MSRA: variants seen among roughly 807,000 people sequenced by gnomAD.
MSRA encodes methionine sulfoxide reductase A.
Under a neutral mutation model 31.3 loss-of-function variants are expected in MSRA, and 54 were observed. That is an observed-to-expected ratio of 1.73 (90% CI 1.39 to 2.17). The LOEUF is 2.17. Ranked by LOEUF, MSRA falls within the 30% of genes most tolerant of loss-of-function variation. The pLI, the probability that MSRA is intolerant of heterozygous loss-of-function variation, is 0.00. For synonymous variants in MSRA, 169 were observed against 116.5 expected, an observed-to-expected ratio of 1.45 and a Z score of -2.90; for missense variants, 507 against 300.9, an observed-to-expected ratio of 1.69 and a Z score of -5.07.
chr8:10,209,870 A>G (rs1411912855), intron 2 of MSRA, among the ~76,000 whole-genome samples: 2 of 152,248 alleles, frequency 1.3e-5, no homozygotes, highest in African/African-American at 4.8e-5. Context: ...AACAACATAT[A>G]AGAAGCAGAA....
intron 1 of MSRA, among the ~76,000 whole-genome samples, chr8:10,117,852 C>G (rs1800798545): frequency 6.6e-6 from 1 of 152,088 alleles, no homozygotes; most frequent in African/African-American, 2.4e-5. Context: ...TGAATGAATC[C>G]CTGATTACTG....
At chr8:10,234,213 A>G (rs1412874309) in intron 2 of MSRA, among the ~76,000 whole-genome samples, 6 of 152,240 alleles carry the variant, frequency 3.9e-5, no homozygotes, top group African/African-American at 1.4e-4. Context: ...AGAAACAGTA[A>G]TTAGTTAAAC....
chr8:10,080,776 CG>C (rs1798252823), intron 1 of MSRA, among the ~76,000 whole-genome samples: 1 of 151,224 alleles, frequency 6.6e-6, no homozygotes, highest in Non-Finnish European at 1.5e-5. Context: ...TGGGCTCAAG[CG>C]ATCCTCCTGC....
intron 5 of MSRA, among the ~76,000 whole-genome samples, chr8:10,358,777 A>G (rs1804666194): frequency 6.8e-6 from 1 of 147,936 alleles, no homozygotes; most frequent in African/African-American, 2.6e-5. Flanking sequence ...TATTTTTAGT[A>G]GAGACGGGGT....
chr8:10,091,638 C>G (rs1798859572), intron 1 of MSRA, among the ~76,000 whole-genome samples: 2 of 145,078 alleles, frequency 1.4e-5, no homozygotes, highest in South Asian at 4.4e-4. Flanking sequence ...TGAAATTTTG[C>G]TCTTATCACC....
At chr8:10,220,191 C>G (rs1810370701) in intron 2 of MSRA, among the ~76,000 whole-genome samples, 2 of 152,178 alleles carry the variant, frequency 1.3e-5, no homozygotes. Flanking sequence ...TTTCATCTTC[C>G]TGGGTCATCA....
chr8:10,118,379 T>G (rs1023658187), intron 1 of MSRA, among the ~76,000 whole-genome samples: 1 of 152,178 alleles, frequency 6.6e-6, no homozygotes, highest in Middle Eastern at 3.2e-3. Flanking sequence ...TCCAACTATG[T>G]GCAAAGGCCC....
At chr8:10,176,382 A>G (rs573625291) in intron 1 of MSRA, among the ~76,000 whole-genome samples, 2 of 152,298 alleles carry the variant, frequency 1.3e-5, no homozygotes, top group East Asian at 3.9e-4. Flanking sequence ...GGCTTAGTTC[A>G]CAAGGATCTA....
chr8:10,148,731 G>A (rs1803381917), intron 1 of MSRA, among the ~76,000 whole-genome samples: 1 of 141,020 alleles, frequency 7.1e-6, no homozygotes. Context: ...GAACCCAGGA[G>A]GTCAGGGCTG....
At chr8:10,322,412 C>G (rs1273782555) in intron 5 of MSRA, among the ~76,000 whole-genome samples, 2 of 152,098 alleles carry the variant, frequency 1.3e-5, no homozygotes, top group Non-Finnish European at 2.9e-5. Flanking sequence ...AGTACAAAGA[C>G]CAGAACTTGG....
intron 2 of MSRA, among the ~76,000 whole-genome samples, chr8:10,209,314 C>T (rs143311223): frequency 6.6e-6 from 1 of 152,110 alleles, no homozygotes; most frequent in African/African-American, 2.4e-5. Flanking sequence ...GATTCGCCAA[C>T]CCCAGGCATA....
intron 1 of MSRA, among the ~76,000 whole-genome samples, chr8:10,113,289 C>CCTTTTTTTTTTTTTT (rs1554447231): frequency 9.8e-5 from 5 of 50,904 alleles, no homozygotes; most frequent in Admixed American, 8.8e-4. Context: ...GAAGACAGGT[C>CCTTTTTTTTTTTTTT]TTCTTTTTTT....
chr8:10,350,430 T>A (rs1804055877), intron 5 of MSRA, among the ~76,000 whole-genome samples: 1 of 152,198 alleles, frequency 6.6e-6, no homozygotes, highest in Non-Finnish European at 1.5e-5. Context: ...CTTGCTGGCT[T>A]CCGAAGGCAT....
intron 5 of MSRA, among the ~76,000 whole-genome samples, chr8:10,328,152 G>A (rs111996740): frequency 0.059 from 8,437 of 143,992 alleles, 724 homozygotes; most frequent in African/African-American, 0.2. Context: ...ACTTGTTATC[G>A]CCACTTGTGT....
intron 2 of MSRA, among the ~76,000 whole-genome samples, chr8:10,229,430 T>G (rs562979719): frequency 6.6e-6 from 1 of 152,128 alleles, no homozygotes; most frequent in Non-Finnish European, 1.5e-5. Context: ...GGCTGCAGTA[T>G]GGTACGTTTC....
At chr8:10,190,598 ACTTT>A (rs2129053307) in intron 1 of MSRA, among the ~76,000 whole-genome samples, 1 of 152,284 alleles carries the variant, frequency 6.6e-6, no homozygotes, top group African/African-American at 2.4e-5. Context: ...TTCCTTGGGC[ACTTT>A]CTGTCAGTCC....
chr8:10,086,701 T>C (rs1167848743), intron 1 of MSRA, among the ~76,000 whole-genome samples: 1 of 150,944 alleles, frequency 6.6e-6, no homozygotes, highest in East Asian at 1.9e-4. Flanking sequence ...TTTATGTCCA[T>C]TGTGGCTTCT....
At chr8:10,217,905 C>T (rs898448502) in intron 2 of MSRA, among the ~76,000 whole-genome samples, 1 of 152,038 alleles carries the variant, frequency 6.6e-6, no homozygotes, top group South Asian at 2.1e-4. Context: ...TTCTTTTCAT[C>T]TGTAAGTTCA....
At chr8:10,401,650 G>A (rs778257009) in intron 5 of MSRA, among the ~76,000 whole-genome samples, 1 of 150,672 alleles carries the variant, frequency 6.6e-6, no homozygotes, top group Non-Finnish European at 1.5e-5. Context: ...AAAAGTGGAA[G>A]CAACTTAAGT....
Sources: allele counts gnomAD v4.1 joint callset (sites outside exome capture counted in the v4.1 genomes callset), GRCh38; gene constraint gnomAD v4.1.1; transcripts MANE v1.5; gene names NCBI Gene and HGNC (gene_info 2026-07-23, HGNC 2026-07-21).